The following CDH23 variants were observed in gnomAD, a reference collection of about 807,000 sequenced individuals.
The protein encoded by CDH23 is cadherin related 23, also known as cadherin-23.
Under a neutral mutation model 317.1 loss-of-function variants are expected in CDH23, and 189 were observed. The observed-to-expected ratio is 0.60, with a 90% CI of 0.53 to 0.67. The LOEUF (loss-of-function observed/expected upper bound fraction) is 0.67. Ranked by LOEUF, CDH23 falls within the 30% of genes least tolerant of loss-of-function variation. CDH23 has a pLI of 0.00. For missense variants in CDH23, 4,401 were observed against 4,592.4 expected (o/e 0.96, Z 1.20); for synonymous variants, 1,839 against 1,876.8 (o/e 0.98, Z 0.52).
chr10:71,723,413 CCA>C (rs1171355168), intron 28 of CDH23, among the ~76,000 whole-genome samples: 1 of 152,154 alleles, frequency 6.6e-6, no homozygotes, highest in Non-Finnish European at 1.5e-5. Flanking sequence ...ACGTCCCCCC[CCA>C]CACACAAGCC....
intron 44 of CDH23, 75 bp downstream of exon 44, chr10:71,785,813 G>A: frequency 1.1e-6 from 1 of 903,908 alleles, no homozygotes; most frequent in Non-Finnish European, 1.8e-6. Context: ...CACCCCTCCT[G>A]CAGGCAGCAT....
intron 1 of CDH23, among the ~76,000 whole-genome samples, chr10:71,424,980 A>G (rs1271858833): frequency 2.0e-5 from 3 of 152,136 alleles, no homozygotes; most frequent in African/African-American, 4.8e-5. Flanking sequence ...GCTGTGTCCC[A>G]AGTGGCATTT....
chr10:71,425,407 GGAA>G (rs1849029464), intron 1 of CDH23, among the ~76,000 whole-genome samples: 3 of 150,328 alleles, frequency 2.0e-5, no homozygotes, highest in East Asian at 3.9e-4. Flanking sequence ...AAGGAAGGAA[GGAA>G]GGAGGGAAGG....
chr10:71,619,266 C>T (rs974732006), intron 11 of CDH23, among the ~76,000 whole-genome samples: 5 of 150,712 alleles, frequency 3.3e-5, no homozygotes, highest in Admixed American at 6.6e-5. Flanking sequence ...ACCTGGGAGG[C>T]GGAGGGTGCA....
chr10:71,709,684 C>T (rs919928047), intron 27 of CDH23, among the ~76,000 whole-genome samples: 7 of 152,172 alleles, frequency 4.6e-5, no homozygotes, highest in African/African-American at 1.7e-4. Context: ...ATGTAACTCC[C>T]AGTATGACTG....
intron 19 of CDH23, 136 bp downstream of exon 19, chr10:71,687,855 C>T (rs1253181910): frequency 1.2e-6 from 1 of 805,218 alleles, no homozygotes; most frequent in African/African-American, 1.7e-5. Context: ...GGCCAAGCTC[C>T]TTGACAAATC....
chr10:71,446,475 G>A (rs187159287), intron 3 of CDH23, 80 bp downstream of exon 3: 3 of 1,382,846 alleles, frequency 2.2e-6, no homozygotes, highest in South Asian at 1.2e-5. Context: ...GATCTTACAG[G>A]TTGAGGTCAT....
rs181972528 is a variant in CDH23 at position 71,526,220 on chromosome 10, G to A, written c.429+15008G>A. ...GTATCAAGCACATCTTCCTCTAGGC[G>A]GTAGAATTGGGTCAAATGAGCTTCA... is the stretch of plus-strand genomic sequence containing the variant. On this transcript the variant is annotated intron_variant, in intron 6 of 69. Coordinates refer to ENST00000224721, the MANE Select transcript of CDH23 (RefSeq NM_022124.6). Among the ~76,000 whole-genome samples the A allele has an allele frequency of 3.5e-4, 53 of 152,326 alleles. 2 individuals are homozygous for A. The East Asian group carries it at 7.5e-3, about 22-fold the overall frequency.
intron 6 of CDH23, among the ~76,000 whole-genome samples, chr10:71,532,813 T>C (rs1855477305): frequency 6.9e-6 from 1 of 144,104 alleles, no homozygotes; most frequent in South Asian, 2.3e-4. Flanking sequence ...CACTGCAACC[T>C]CTACCTCCTA....
intron 14 of CDH23, 157 bp downstream of exon 14, chr10:71,646,774 G>C (rs1158393799): frequency 1.9e-6 from 3 of 1,584,096 alleles, no homozygotes. Flanking sequence ...AAAGTTTTTG[G>C]ACTCTTCAGG....
rs752718137 is a variant in CDH23 at position 71,751,709 on chromosome 10, AG to A, written c.4845+9794del. 6.4e-6 allele frequency: 10 copies of A among 1,568,552 alleles called. No individual in the cohort carries two copies. The highest frequency in any genetic ancestry group is 5.8e-5 in the Admixed American group (3 of 51,702). Reference sequence around the variant, plus strand: ...GACGTCTCCGGGGCCTGGAGGAGACAGGGGGGTGCTGGGCTCCGAAAGCAGA... The same window carrying A: ...GACGTCTCCGGGGCCTGGAGGAGACAGGGGGTGCTGGGCTCCGAAAGCAGA... On this transcript the variant is annotated intron_variant, in intron 38 of 69. Transcript: ENST00000224721. This position sits in a 1 kb window ranked among gnomAD's most constrained non-coding sequence, Gnocchi z 4.9.
At chr10:71,581,726 G>A (rs1858650622) in intron 9 of CDH23, among the ~76,000 whole-genome samples, 1 of 152,194 alleles carries the variant, frequency 6.6e-6, no homozygotes, top group Admixed American at 6.5e-5. Context: ...GCCTGTGCCT[G>A]CCCTGCCACC....
Position 71,491,402 on chromosome 10 carries a change from G to C in CDH23, c.146-18680G>C, listed in dbSNP as rs11598253. On this transcript the variant is annotated intron_variant, in intron 3 of 69. Coordinates refer to ENST00000224721, the MANE Select transcript of CDH23 (RefSeq NM_022124.6). The stretch of plus-strand genomic sequence containing the variant: ...CCTGAGACATGCAGGCAAGCAAACA[G>C]ACTTGCACAGCCTTGGGCACACTGT... 1.8e-3 allele frequency among the ~76,000 whole-genome samples: 275 copies of C among 152,296 alleles called. 1 individual carries two copies. The highest frequency in any genetic ancestry group is 4.0e-3 in the Admixed American group (61 of 15,298).
At chr10:71,574,720 C>A (rs943665805) in intron 8 of CDH23, among the ~76,000 whole-genome samples, 1 of 152,154 alleles carries the variant, frequency 6.6e-6, no homozygotes, top group African/African-American at 2.4e-5. Flanking sequence ...ACAAGGGCAT[C>A]TTTGGAAGGG....
intron 6 of CDH23, among the ~76,000 whole-genome samples, chr10:71,527,307 C>T (rs1309381854): frequency 6.6e-6 from 1 of 152,242 alleles, no homozygotes; most frequent in Non-Finnish European, 1.5e-5. Flanking sequence ...GTCAGTGCCC[C>T]CAAGTGCTAA....
chr10:71,701,614 G>A (rs976432115), intron 22 of CDH23, among the ~76,000 whole-genome samples: 1 of 152,094 alleles, frequency 6.6e-6, no homozygotes, highest in Admixed American at 6.5e-5. Context: ...CCAGCCCTGC[G>A]ACTGCCCCAG....
At chr10:71,437,066 A>C (rs1473140022) in intron 1 of CDH23, among the ~76,000 whole-genome samples, 2 of 152,240 alleles carry the variant, frequency 1.3e-5, no homozygotes. Flanking sequence ...ATGCAAATTA[A>C]AGCTGCAATG....
At chr10:71,554,870 T>G (rs1305403360) in intron 6 of CDH23, among the ~76,000 whole-genome samples, 2 of 152,216 alleles carry the variant, frequency 1.3e-5, no homozygotes, top group Non-Finnish European at 2.9e-5. Flanking sequence ...ATCAGATGTT[T>G]ATGTTGACAT....
chr10:71,426,286 T>C (rs1238579253), intron 1 of CDH23, among the ~76,000 whole-genome samples: 1 of 152,190 alleles, frequency 6.6e-6, no homozygotes. Context: ...CCAAGTCTGC[T>C]CTGCACTTTC....
Sources: allele counts gnomAD v4.1 joint callset (sites outside exome capture counted in the v4.1 genomes callset), GRCh38; gene constraint gnomAD v4.1.1; non-coding constraint Gnocchi (gnomAD v3.1); transcripts MANE v1.5; gene names NCBI Gene and HGNC (gene_info 2026-07-23, HGNC 2026-07-21).